SKIL: variants seen among roughly 807,000 people sequenced by gnomAD.
SKIL encodes the protein ski-like protein.
Under a neutral mutation model 69.6 loss-of-function variants are expected in SKIL, and 20 were observed. The observed-to-expected ratio is 0.29, with a 90% CI of 0.20 to 0.42. The LOEUF is 0.42. Among genes scored for constraint, SKIL ranks in the 10% least tolerant of loss-of-function variants. SKIL has a pLI of 1.00. For missense variants in SKIL, 745 were observed against 783.1 expected (o/e 0.95, Z 0.58); for synonymous variants, 310 against 279.9 (o/e 1.11, Z -1.08).
chr3:170,378,326 G>C (rs1392501681), intron 2 of SKIL, among the ~76,000 whole-genome samples: 1 of 152,122 alleles, frequency 6.6e-6, no homozygotes, highest in Non-Finnish European at 1.5e-5. Context: ...ATCTCTCCCA[G>C]GTTTCTTCAT....
intron 4 of SKIL, among the ~76,000 whole-genome samples, chr3:170,387,768 A>AAAAAAAAAAC (rs1409266919): frequency 2.3e-5 from 3 of 132,656 alleles, no homozygotes; most frequent in Non-Finnish European, 5.0e-5. Context: ...CTAAAAAAAA[A>AAAAAAAAAAC]AAAAAATACA....
At chr3:170,358,357 C>T (rs540658067) in intron 1 of SKIL, among the ~76,000 whole-genome samples, 1 of 151,494 alleles carries the variant, frequency 6.6e-6, no homozygotes, top group African/African-American at 2.4e-5. Context: ...GGGGTTATCC[C>T]AGGCTCGCCG....
At chr3:170,391,412 GGT>G in intron 6 of SKIL, 152 bp downstream of exon 6, 1 of 576,654 alleles carries the variant, frequency 1.7e-6, no homozygotes. Flanking sequence ...CTGCCTCCCG[GGT>G]TCAAGCAATT....
intron 2 of SKIL, among the ~76,000 whole-genome samples, chr3:170,377,542 CTTTTTTTTTTT>C (rs749615295): frequency 7.8e-5 from 6 of 77,354 alleles, no homozygotes; most frequent in Admixed American, 3.7e-4. Context: ...CTCAATAATT[CTTTTTTTTTTT>C]TTTTTTTTTT....
chr3:170,373,799 G>A (rs982272192), intron 2 of SKIL, among the ~76,000 whole-genome samples: 2 of 152,134 alleles, frequency 1.3e-5, no homozygotes, highest in East Asian at 1.9e-4. Context: ...GCTGAGGCAC[G>A]AGGATCCCTT....
At chr3:170,377,073 A>G (rs1287005547) in intron 2 of SKIL, among the ~76,000 whole-genome samples, 1 of 152,126 alleles carries the variant, frequency 6.6e-6, no homozygotes, top group African/African-American at 2.4e-5. Context: ...CTTAGCATCT[A>G]TCATTTAGTA....
At chr3:170,376,736 T>C (rs562405304) in intron 2 of SKIL, among the ~76,000 whole-genome samples, 1 of 152,216 alleles carries the variant, frequency 6.6e-6, no homozygotes, top group African/African-American at 2.4e-5. Context: ...TCACCTTGCC[T>C]GGCTAATTTT....
chr3:170,385,812 T>TC, intron 4 of SKIL, among the ~76,000 whole-genome samples: 1 of 151,760 alleles, frequency 6.6e-6, no homozygotes, highest in East Asian at 1.9e-4. Context: ...TTTTTTTCTT[T>TC]TTTTTTTTTG....
intron 4 of SKIL, chr3:170,385,076 CTTTCCTCCTTTTTT>C (rs1737549986): frequency 5.4e-6 from 1 of 185,514 alleles, no homozygotes; most frequent in Admixed American, 5.6e-5. Context: ...CCTTGTTTTT[CTTTCCTCCTTTTTT>C]TTTCTTTTTT....
In SKIL at chr3:170,374,454, G is replaced by A. The variant is rs141352834; in HGVS notation, c.1099-6790G>A. ...TCTTTGGCAAGTTATATAATGTATT[G>A]TATTTTAAAATTTAAATACACATAA... On this transcript the variant is annotated intron_variant, in intron 2 of 6. Coordinates refer to ENST00000259119, the MANE Select transcript of SKIL (RefSeq NM_005414.5). Among the ~76,000 whole-genome samples the A allele has an allele frequency of 4.0e-3, 607 of 152,198 alleles. 6 individuals are homozygous for A. Among genetic ancestry groups the A allele is most frequent in the African/African-American group, 0.014 (575 of 41,542 alleles).
At chr3:170,371,229 G>A (rs931025456) in intron 2 of SKIL, among the ~76,000 whole-genome samples, 2 of 152,130 alleles carry the variant, frequency 1.3e-5, no homozygotes, top group South Asian at 2.1e-4. Context: ...GGCCTGGTGC[G>A]GTGGCTAACG....
chr3:170,384,894 C>T (rs969892079), intron 4 of SKIL, 129 bp downstream of exon 4: 5 of 576,202 alleles, frequency 8.7e-6, no homozygotes, highest in Non-Finnish European at 1.5e-5. Context: ...AAAAATGCTA[C>T]CCTTCAAAAC....
intron 2 of SKIL, among the ~76,000 whole-genome samples, chr3:170,369,355 A>G (rs965207186): frequency 6.6e-6 from 1 of 152,214 alleles, no homozygotes; most frequent in Middle Eastern, 3.4e-3. Context: ...AGCAGTGCAT[A>G]TGTTATCAAT....
chr3:170,390,322 C>G lies in SKIL; in HGVS notation c.1529C>G (p.Ala510Gly). Residue 510 changes from alanine to glycine, a missense_variant, in exon 5 of 7, where the codon GCT becomes GGT. Transcript: ENST00000259119. ...AACAAAGTGGGAATTGGCCTTGTTG[C>G]TGCCGCTTCATCTCCGCTTCTTGTG... The part of the protein sequence containing the change: ...DINKVGIGLV[A>G]AASSPLLVKD... 2 of 1,614,050 alleles carry G rather than the reference C, an allele frequency of 1.2e-6. No individual in the cohort carries two copies. Among genetic ancestry groups the G allele is most frequent in the Middle Eastern group, 3.3e-4 (2 of 6,062 alleles).
chr3:170,379,946 T>G (rs144537403), intron 2 of SKIL, among the ~76,000 whole-genome samples: 1 of 152,086 alleles, frequency 6.6e-6, no homozygotes, highest in Non-Finnish European at 1.5e-5. Flanking sequence ...ACCGAGCCCC[T>G]CTTCAATTTC....
At chr3:170,372,862 A>T (rs1393509358) in intron 2 of SKIL, among the ~76,000 whole-genome samples, 1 of 152,216 alleles carries the variant, frequency 6.6e-6, no homozygotes, top group Non-Finnish European at 1.5e-5. Flanking sequence ...TAAATAGGCC[A>T]TTAGGGAGAT....
chr3:170,392,273 G>A lies in SKIL; in HGVS notation c.1911G>A (p.Arg637=), dbSNP rs1167396672. The A allele has an allele frequency of 1.9e-6, 3 of 1,602,880 alleles. No homozygotes were observed. Among genetic ancestry groups the A allele is most frequent in the Non-Finnish European group, 2.6e-6 (3 of 1,175,984 alleles). ...AAATCACATAGTTGGCAGAACTGAG[G>A]CAGAGATTGGACCATGCTGAGGCCG... ...AEYAGQLAEL[R]QRLDHAEADR... The change falls in exon 7 of 7, where the codon AGG becomes AGA. Residue 637 remains arginine (R), a synonymous_variant. Coordinates refer to ENST00000259119, the MANE Select transcript of SKIL (RefSeq NM_005414.5).
chr3:170,382,715 T>A lies in SKIL; in HGVS notation c.1196+1374T>A, dbSNP rs1737420414. 2.8e-5 allele frequency among the ~76,000 whole-genome samples: 3 copies of A among 107,026 alleles called. No individual in the cohort carries two copies. In the South Asian group the frequency reaches 1.0e-3, roughly 36 times the overall value. The allele number at this position is 107,026 out of a possible 152,430, so 70.2% of individuals were successfully genotyped here. On this transcript the variant is annotated intron_variant, in intron 3 of 6. Coordinates refer to ENST00000259119, the MANE Select transcript of SKIL (RefSeq NM_005414.5). ...TGAGCCACCGCCCCGAGCCGCAACT[T>A]CAATTTTTTTTTTTTTTTTTTGAGA...
chr3:170,375,463 AGGTCTTT>A (rs564886305), intron 2 of SKIL, among the ~76,000 whole-genome samples: 95 of 152,342 alleles, frequency 6.2e-4, no homozygotes, highest in Middle Eastern at 3.4e-3. Flanking sequence ...TTTCAAGTCA[AGGTCTTT>A]GAGCAAATTT....
Sources: gnomAD v4.1 joint callset for allele counts (sites outside exome capture counted in the v4.1 genomes callset) on GRCh38, gnomAD v4.1.1 for gene constraint, MANE v1.5 for transcripts, NCBI Gene and HGNC (gene_info 2026-07-23, HGNC 2026-07-21) for gene names.